SAMD12: variants seen among roughly 807,000 people sequenced by gnomAD.
SAMD12 encodes sterile alpha motif domain containing 12, also known as sterile alpha motif domain-containing protein 12.
Under a neutral mutation model 15.0 loss-of-function variants are expected in SAMD12, and 9 were observed. That is an observed-to-expected ratio of 0.60 (90% CI 0.36 to 1.05). The LOEUF is 1.05. SAMD12 is among the 50% of genes least tolerant of loss of function. SAMD12 has a pLI of 0.01. For synonymous variants in SAMD12, 86 were observed against 90.1 expected, an observed-to-expected ratio of 0.96 and a Z score of 0.25; for missense variants, 230 against 234.2, an observed-to-expected ratio of 0.98 and a Z score of 0.12.
chr8:118,563,423 C>A (rs1226831257), intron 2 of SAMD12, among the ~76,000 whole-genome samples: 1 of 152,132 alleles, frequency 6.6e-6, no homozygotes, highest in Non-Finnish European at 1.5e-5. Flanking sequence ...AAGCTAAAGG[C>A]CTGTTCTGCC....
At chr8:118,490,035 AG>A (rs1824398626) in intron 2 of SAMD12, among the ~76,000 whole-genome samples, 2 of 152,188 alleles carry the variant, frequency 1.3e-5, no homozygotes, top group Admixed American at 1.3e-4. Context: ...CCCTGTCTAT[AG>A]AAAAAGGCAG....
intron 4 of SAMD12, among the ~76,000 whole-genome samples, chr8:118,309,808 AT>A (rs1815545174): frequency 6.6e-6 from 1 of 152,052 alleles, no homozygotes; most frequent in African/African-American, 2.4e-5. Flanking sequence ...TTAGTCCCAT[AT>A]TTTCTGTCTT....
chr8:118,321,297 T>G (rs1350817515), intron 4 of SAMD12, among the ~76,000 whole-genome samples: 13 of 98,654 alleles, frequency 1.3e-4, no homozygotes, highest in South Asian at 9.0e-4. Flanking sequence ...TTTTTTTTGT[T>G]TTTTTTTTTT....
At chr8:118,482,362 T>C (rs1824149759) in intron 2 of SAMD12, among the ~76,000 whole-genome samples, 2 of 152,192 alleles carry the variant, frequency 1.3e-5, no homozygotes, top group Admixed American at 6.5e-5. Flanking sequence ...CAACTTTTAC[T>C]GAATGGCTGC....
chr8:118,284,214 T>C, intron 4 of SAMD12: 1 of 445,114 alleles, frequency 2.2e-6, no homozygotes, highest in Non-Finnish European at 4.5e-6. Flanking sequence ...AAGCTCCAGG[T>C]TTCTTGCATT....
chr8:118,326,096 G>A (rs1816550545), intron 4 of SAMD12, among the ~76,000 whole-genome samples: 1 of 152,128 alleles, frequency 6.6e-6, no homozygotes, highest in Admixed American at 6.5e-5. Context: ...AATCACACCT[G>A]GTGCTTCAAT....
At chr8:118,326,928 A>G (rs1262165833) in intron 4 of SAMD12, among the ~76,000 whole-genome samples, 1 of 152,204 alleles carries the variant, frequency 6.6e-6, no homozygotes, top group Non-Finnish European at 1.5e-5. Flanking sequence ...TTTATATCCC[A>G]TTTACAGTGA....
chr8:118,159,696 T>A, the SAMD12 span, among the ~76,000 whole-genome samples: 1 of 145,444 alleles, frequency 6.9e-6, no homozygotes, highest in African/African-American at 2.5e-5. Context: ...TGATACTATA[T>A]AACAAATTTT....
chr8:118,190,100 C>T (rs1819321954), exon 5 of SAMD12: 1 of 152,050 alleles, frequency 6.6e-6, no homozygotes, highest in Non-Finnish European at 1.5e-5. Context: ...AAATGTCAAC[C>T]ATCTACCTAG....
At chr8:118,568,585 A>G (rs1586825106) in intron 2 of SAMD12, among the ~76,000 whole-genome samples, 2 of 152,344 alleles carry the variant, frequency 1.3e-5, no homozygotes, top group South Asian at 4.1e-4. Flanking sequence ...TCAAGTGAGA[A>G]AAACAAAATT....
chr8:118,490,562 A>C (rs190794575), intron 2 of SAMD12, among the ~76,000 whole-genome samples: 26 of 152,308 alleles, frequency 1.7e-4, no homozygotes, highest in East Asian at 3.9e-4. Context: ...TAACAACAAC[A>C]ACCACCACAA....
intron 4 of SAMD12, among the ~76,000 whole-genome samples, chr8:118,278,440 A>G (rs1727750317): frequency 6.6e-6 from 1 of 152,192 alleles, no homozygotes; most frequent in Non-Finnish European, 1.5e-5. Flanking sequence ...TCCTTTCTGT[A>G]GCTGAATGTG....
At chr8:118,256,307 C>G (rs1269325940) in intron 4 of SAMD12, among the ~76,000 whole-genome samples, 3 of 152,098 alleles carry the variant, frequency 2.0e-5, no homozygotes, top group African/African-American at 7.2e-5. Context: ...TTCCCTATAA[C>G]TAGTGTAAAT....
intron 1 of SAMD12, among the ~76,000 whole-genome samples, chr8:118,618,771 G>A (rs1189346755): frequency 6.6e-6 from 1 of 151,372 alleles, no homozygotes; most frequent in Non-Finnish European, 1.5e-5. Context: ...CCCGGGAGGC[G>A]GAGCTTGCAG....
At chr8:118,558,067 A>G (rs1826592924) in intron 2 of SAMD12, among the ~76,000 whole-genome samples, 1 of 152,222 alleles carries the variant, frequency 6.6e-6, no homozygotes, top group South Asian at 2.1e-4. Context: ...GCCATTACAA[A>G]TAATTCTACA....
intron 2 of SAMD12, among the ~76,000 whole-genome samples, chr8:118,460,467 C>T (rs77931949): frequency 0.033 from 4,992 of 152,082 alleles, 268 homozygotes; most frequent in African/African-American, 0.11. Context: ...AGTGAGTATA[C>T]AGTAGAATTG....
At chr8:118,189,327 G>T (rs1819297523), downstream of SAMD12, 1 of 152,130 alleles carries the variant, frequency 6.6e-6, no homozygotes, top group African/African-American at 2.4e-5. Context: ...TGCATCATTA[G>T]CTAACACAGG....
chr8:118,461,035 G>T (rs546964043), intron 2 of SAMD12, among the ~76,000 whole-genome samples: 1 of 152,186 alleles, frequency 6.6e-6, no homozygotes, highest in African/African-American at 2.4e-5. Context: ...TTTACCTGGA[G>T]AATTCCTGCA....
At chr8:118,376,093 A>T (rs1273677139), downstream of SAMD12, among the ~76,000 whole-genome samples, 2 of 152,174 alleles carry the variant, frequency 1.3e-5, no homozygotes, top group African/African-American at 4.8e-5. Flanking sequence ...CAAGATGGAC[A>T]GTTAAGTTGT....
Sources: allele counts gnomAD v4.1 joint callset (sites outside exome capture counted in the v4.1 genomes callset), GRCh38; gene constraint gnomAD v4.1.1; transcripts MANE v1.5; gene names NCBI Gene and HGNC (gene_info 2026-07-23, HGNC 2026-07-21).